The following ATG7 variants were observed in gnomAD, a reference collection of about 807,000 sequenced individuals.
The protein encoded by ATG7 is ubiquitin-like modifier-activating enzyme ATG7.
In ATG7, 70 loss-of-function variants were observed where a neutral mutation model predicts 82.4. The ratio of observed to expected loss-of-function variants is 0.85; its 90% confidence interval spans 0.70 to 1.04. ATG7 has a LOEUF of 1.04. ATG7 is among the 50% of genes least tolerant of loss of function. ATG7 has a pLI of 0.00. For synonymous variants in ATG7, 287 were observed against 313.0 expected (o/e 0.92, Z 0.88); for missense variants, 792 against 864.3 (o/e 0.92, Z 1.05).
downstream of ATG7, chr3:11,559,587 A>C: frequency 3.8e-6 from 5 of 1,320,006 alleles, no homozygotes; most frequent in East Asian, 5.5e-5. Flanking sequence ...TCCCACTTCA[A>C]TACTGGAGTC....
chr3:11,535,802 G>A (rs1217637019), intron 20 of ATG7, among the ~76,000 whole-genome samples: 2 of 152,326 alleles, frequency 1.3e-5, no homozygotes, highest in East Asian at 3.9e-4. Flanking sequence ...GGGCATTTCA[G>A]AACTCCCGTG....
intron 20 of ATG7, among the ~76,000 whole-genome samples, chr3:11,486,674 C>G (rs1328749182): frequency 6.6e-6 from 1 of 151,996 alleles, no homozygotes; most frequent in Admixed American, 6.6e-5. Flanking sequence ...GGCTGTGGGT[C>G]TGTCATAGAT....
At chr3:11,560,116 ATCTC>A (rs1356898145), downstream of ATG7, among the ~76,000 whole-genome samples, 1 of 151,414 alleles carries the variant, frequency 6.6e-6, no homozygotes, top group African/African-American at 2.4e-5. Flanking sequence ...CCCTGTTCAG[ATCTC>A]TCTCTGAAGC....
downstream of ATG7, chr3:11,559,221 C>CTCAGCAATAG (rs1405713949): frequency 1.4e-6 from 2 of 1,429,406 alleles, no homozygotes; most frequent in African/African-American, 2.9e-5. Flanking sequence ...CTTTTTCAAC[C>CTCAGCAATAG]TCAGCAATAG....
At chr3:11,552,717 C>G (rs947818701) in intron 20 of ATG7, among the ~76,000 whole-genome samples, 4 of 152,190 alleles carry the variant, frequency 2.6e-5, no homozygotes. Context: ...CTGGGTGTCT[C>G]GCAGGATCCC....
intron 9 of ATG7, among the ~76,000 whole-genome samples, chr3:11,329,890 C>G (rs1951403699): frequency 6.6e-6 from 1 of 152,202 alleles, no homozygotes; most frequent in South Asian, 2.1e-4. Context: ...GTCCAGGATA[C>G]TACATTGCAA....
intron 20 of ATG7, among the ~76,000 whole-genome samples, chr3:11,452,022 TTGGGGGG>T (rs746428631): frequency 1.7e-3 from 122 of 71,434 alleles, no homozygotes; most frequent in Non-Finnish European, 2.0e-3. Context: ...ACTTGGGGGG[TTGGGGGG>T]TTGTGGGAGG....
intron 20 of ATG7, among the ~76,000 whole-genome samples, chr3:11,482,100 GC>G (rs2089059481): frequency 6.6e-6 from 1 of 152,188 alleles, no homozygotes; most frequent in Non-Finnish European, 1.5e-5. Flanking sequence ...CTCTCCTGAT[GC>G]CCCGGTTCCT....
chr3:11,572,824 G>C, the ATG7 span, among the ~76,000 whole-genome samples: 1 of 152,048 alleles, frequency 6.6e-6, no homozygotes, highest in African/African-American at 2.4e-5. Flanking sequence ...ATATGTACCC[G>C]TTCCTTTATG....
At chr3:11,521,611 G>T (rs2092444832) in intron 20 of ATG7, among the ~76,000 whole-genome samples, 1 of 151,632 alleles carries the variant, frequency 6.6e-6, no homozygotes, top group South Asian at 2.1e-4. Context: ...GGAGCACAGT[G>T]GCGCGATATT....
At chr3:11,545,305 G>T (rs2071181857) in intron 20 of ATG7, among the ~76,000 whole-genome samples, 1 of 152,298 alleles carries the variant, frequency 6.6e-6, no homozygotes, top group Non-Finnish European at 1.5e-5. Flanking sequence ...GAGAAATTCA[G>T]TCTGATGCCC....
chr3:11,499,422 A>G lies in ATG7; in HGVS notation c.2080-55389A>G, dbSNP rs751258515. The stretch of plus-strand genomic sequence containing the variant: ...TCTAGTGGTTTGTGCAGTGCCTGAC[A>G]GATGTTAGTATCATGTTGCTTTCCT... On this transcript the variant is annotated intron_variant, in intron 20 of 20. Transcript: ENST00000693202. 1.3e-3 allele frequency among the ~76,000 whole-genome samples: 198 copies of G among 152,194 alleles called. 1 individual carries two copies. Among genetic ancestry groups the G allele is most frequent in the Non-Finnish European group, 2.1e-3 (142 of 68,036 alleles).
intron 20 of ATG7, among the ~76,000 whole-genome samples, chr3:11,520,179 C>T (rs1186471283): frequency 1.3e-5 from 2 of 152,190 alleles, no homozygotes; most frequent in East Asian, 3.8e-4. Context: ...CAGAGTCACA[C>T]AGCTAAAAGA....
At chr3:11,560,868 T>G (rs546326259), downstream of ATG7, among the ~76,000 whole-genome samples, 15 of 152,290 alleles carry the variant, frequency 9.8e-5, no homozygotes, top group African/African-American at 3.4e-4. Context: ...GTTCTGCCTG[T>G]GGACAGGGCC....
rs561388218 is a variant in ATG7 at position 11,405,008 on chromosome 3, G to A, written c.1957-21796G>A. Among the ~76,000 whole-genome samples the A allele has an allele frequency of 2.9e-4, 44 of 152,270 alleles. No homozygotes were observed. The South Asian group carries it at 7.7e-3, about 27-fold the overall frequency. On this transcript the variant is annotated intron_variant, in intron 19 of 20. Transcript: ENST00000693202. Reference sequence around the variant, plus strand: ...TCTAGATTCTTAAGAATATGCTTCAGCTTTTCAAAGCCTCCTTTAGTATTT... The same window carrying A: ...TCTAGATTCTTAAGAATATGCTTCAACTTTTCAAAGCCTCCTTTAGTATTT...
intron 20 of ATG7, among the ~76,000 whole-genome samples, chr3:11,542,410 G>A (rs976737254): frequency 2.6e-5 from 4 of 152,192 alleles, no homozygotes; most frequent in Non-Finnish European, 4.4e-5. Flanking sequence ...GTCTTCTGCC[G>A]GAAACCTCAC....
chr3:11,425,540 T>C (rs974203386), intron 19 of ATG7, among the ~76,000 whole-genome samples: 2 of 152,258 alleles, frequency 1.3e-5, no homozygotes, highest in African/African-American at 4.8e-5. Flanking sequence ...GCATTCTGGT[T>C]CAGCGTTCTA....
intron 7 of ATG7, among the ~76,000 whole-genome samples, chr3:11,310,377 C>T (rs1387002825): frequency 6.6e-6 from 1 of 151,988 alleles, no homozygotes; most frequent in African/African-American, 2.4e-5. Flanking sequence ...GCAAGTTTTC[C>T]TTCCCCGACC....
rs1362366033 is a variant in ATG7, at chr3:11,486,913, T to A, written c.2079+59987T>A. The stretch of plus-strand genomic sequence containing the variant: ...ATTTGGCAGGGTCATGGGACAATAG[T>A]GGAGGGAAGGTCAGCAGATAAACAA... On this transcript the variant is annotated intron_variant, in intron 20 of 20. Coordinates refer to ENST00000693202, the MANE Select transcript of ATG7 (RefSeq NM_001349232.2). 5.3e-5 allele frequency among the ~76,000 whole-genome samples: 8 copies of A among 149,994 alleles called. No individual in the cohort carries two copies. The East Asian group carries it at 1.6e-3, about 30-fold the overall frequency.
Sources: gnomAD v4.1 joint callset for allele counts (sites outside exome capture counted in the v4.1 genomes callset) on GRCh38, gnomAD v4.1.1 for gene constraint, MANE v1.5 for transcripts, NCBI Gene and HGNC (gene_info 2026-07-23, HGNC 2026-07-21) for gene names.